Variants in TIMM44 observed in about 807,000 individuals in gnomAD.
The protein encoded by TIMM44 is mitochondrial import inner membrane translocase subunit TIM44.
In TIMM44, 37 loss-of-function variants were observed where a neutral mutation model predicts 63.8. The observed-to-expected ratio is 0.58, with a 90% CI of 0.45 to 0.76. The LOEUF (loss-of-function observed/expected upper bound fraction) is 0.76, where lower values mean the gene tolerates loss of function less well. Ranked by LOEUF, TIMM44 falls within the 30% of genes least tolerant of loss-of-function variation. The pLI is 0.00. For missense variants in TIMM44, 573 were observed against 603.8 expected (o/e 0.95, Z 0.54); for synonymous variants, 239 against 245.1 (o/e 0.98, Z 0.23).
chr19:7,927,599 C>G, intron 12 of TIMM44, 58 bp downstream of exon 12: 1 of 1,541,084 alleles, frequency 6.5e-7, no homozygotes, highest in Non-Finnish European at 8.9e-7. Context: ...GGTGGCCACA[C>G]ACAGATCTTG....
At chr19:7,937,293 A>AATAAAATAAT (rs960351623) in intron 3 of TIMM44, among the ~76,000 whole-genome samples, 8 of 152,166 alleles carry the variant, frequency 5.3e-5, no homozygotes, top group African/African-American at 1.7e-4. Flanking sequence ...AATAAAATAA[A>AATAAAATAAT]ATACCAGCAC....
intron 3 of TIMM44, among the ~76,000 whole-genome samples, chr19:7,935,809 G>T (rs577187335): frequency 6.6e-6 from 1 of 152,174 alleles, no homozygotes; most frequent in East Asian, 1.9e-4. Context: ...TATGTCTCCC[G>T]CTCCATCCAT....
chr19:7,927,335 T>G, intron 12 of TIMM44, 29 bp from the exon 13 acceptor site: 1 of 1,604,442 alleles, frequency 6.2e-7, no homozygotes, highest in Non-Finnish European at 8.5e-7. Flanking sequence ...AGGGCACTGT[T>G]GAGAGGGTTG....
At chr19:7,940,387 G>A (rs1338703305) in intron 2 of TIMM44, among the ~76,000 whole-genome samples, 3 of 152,190 alleles carry the variant, frequency 2.0e-5, no homozygotes, top group Non-Finnish European at 2.9e-5. Flanking sequence ...CAACCTTATC[G>A]CAGCCCTACC....
At chr19:7,940,185 A>G (rs1317962160) in intron 2 of TIMM44, among the ~76,000 whole-genome samples, 1 of 151,390 alleles carries the variant, frequency 6.6e-6, no homozygotes, top group Non-Finnish European at 1.5e-5. Context: ...GTGAGCCGTG[A>G]TAGTGCCACT....
At chr19:7,927,920 G>A in intron 11 of TIMM44, 153 bp from the exon 12 acceptor site, 1 of 1,086,572 alleles carries the variant, frequency 9.2e-7, no homozygotes, top group Non-Finnish European at 1.4e-6. Context: ...CTCAGGCCAG[G>A]ACCAGGCCTC....
intron 10 of TIMM44, among the ~76,000 whole-genome samples, chr19:7,929,998 A>ACCACCAGG (rs1983934867): frequency 6.6e-6 from 1 of 150,794 alleles, no homozygotes; most frequent in African/African-American, 2.4e-5. Context: ...ACAGGCGCCC[A>ACCACCAGG]CCACCAGGCC....
chr19:7,932,605 G>T, intron 9 of TIMM44, 22 bp downstream of exon 9: 2 of 1,612,138 alleles, frequency 1.2e-6, no homozygotes, highest in Non-Finnish European at 1.7e-6. Flanking sequence ...CCTGGGAGGG[G>T]TCCTGGGGGT....
rs1423394935 is a variant in TIMM44 at position 7,933,579 on chromosome 19, G to C, written c.684-9C>G. ...CGACCCCCAGGGCCTCCCTGGGGAA[G>C]AGGGTGGGCCCTGGGGTGAGCGGCG... On this transcript the variant is annotated splice_polypyrimidine_tract_variant and intron_variant, in intron 6 of 12. Transcript: ENST00000270538. The surrounding 1 kb of genome is among the most constrained non-coding windows in gnomAD (Gnocchi z 4.3). The C allele has an allele frequency of 6.2e-6, 10 of 1,612,872 alleles. No homozygotes were observed. The highest frequency in any genetic ancestry group is 8.5e-6 in the Non-Finnish European group (10 of 1,179,080).
intron 2 of TIMM44, among the ~76,000 whole-genome samples, chr19:7,940,385 T>A (rs1370669969): frequency 1.3e-5 from 2 of 152,024 alleles, no homozygotes; most frequent in Non-Finnish European, 2.9e-5. Flanking sequence ...CACAACCTTA[T>A]CGCAGCCCTA....
intron 12 of TIMM44, 50 bp from the exon 13 acceptor site, chr19:7,927,356 G>C (rs112051068): frequency 2.6e-5 from 42 of 1,591,862 alleles, no homozygotes; most frequent in Admixed American, 1.0e-4. Context: ...AGGTGACCCA[G>C]GCAGCTCTGG....
Position 7,943,596 on chromosome 19 carries a change from C to T in TIMM44, c.45+11G>A. ...CTAAGCTCGCCCTGCCAGCGCCGCA[C>T]CGCCGCTCACCCGTGGACAGCGGCA... is the stretch of plus-strand genomic sequence containing the variant. On this transcript the variant is annotated intron_variant, in intron 1 of 12. Coordinates refer to ENST00000270538, the MANE Select transcript of TIMM44 (RefSeq NM_006351.4). This position sits in a 1 kb window ranked among gnomAD's most constrained non-coding sequence, Gnocchi z 4.3. The T allele has an allele frequency of 1.3e-6, 2 of 1,562,820 alleles. No homozygotes were observed. The highest frequency in any genetic ancestry group is 2.4e-5 in the East Asian group (1 of 41,936).
rs958007544 is a variant in TIMM44 at position 7,926,812 on chromosome 19, T to G, written c.*375A>C. 2 of 323,242 alleles carry G rather than the reference T, an allele frequency of 6.2e-6. No homozygotes were observed. The highest frequency in any genetic ancestry group is 1.2e-5 in the Non-Finnish European group (2 of 165,824). The allele number at this position is 323,242 out of a possible 1,614,324, so 20.0% of individuals were successfully genotyped here. A position where few individuals can be genotyped will look rare whatever the true frequency, so the allele number is the denominator to read the frequency against. On this transcript the variant is annotated 3_prime_UTR_variant, in exon 13 of 13. Transcript: ENST00000270538. Reference sequence around the variant, plus strand: ...TTAAAATTAAAAAATGGACCTAAAGTGGCTTGGCTGACGTGGCTAGCGGGC... The same window carrying G: ...TTAAAATTAAAAAATGGACCTAAAGGGGCTTGGCTGACGTGGCTAGCGGGC...
chr19:7,931,429 A>G, intron 9 of TIMM44: 1 of 541,316 alleles, frequency 1.8e-6, no homozygotes, highest in Non-Finnish European at 3.3e-6. Context: ...GCGACCACCC[A>G]GGAGGCACCC....
At position 7,932,523 on chromosome 19, in the gene TIMM44, G is replaced by C. The variant is rs1039721409; in HGVS notation, c.987+104C>G. ...ACCAGCCTCCTCAGAAAACAGCCTC[G>C]GCAGCAGAGTTCCCTGGCAGCACCC... On this transcript the variant is annotated intron_variant, in intron 9 of 12. Coordinates refer to ENST00000270538, the MANE Select transcript of TIMM44 (RefSeq NM_006351.4). The C allele has an allele frequency of 2.6e-6, 4 of 1,518,288 alleles. No individual in the cohort carries two copies. The South Asian group carries it at 3.4e-5, about 13-fold the overall frequency. 94.1% of individuals were successfully genotyped at this position (1,518,288 alleles called of 1,614,324 possible).
chr19:7,940,530 C>G (rs7254586), intron 2 of TIMM44, among the ~76,000 whole-genome samples: 14,481 of 152,062 alleles, frequency 0.095, 805 homozygotes, highest in African/African-American at 0.16. Flanking sequence ...GTAGCTGCCT[C>G]CAAGGAGGCA....
In TIMM44 at chr19:7,927,733, A is replaced by C; in HGVS notation, c.1163T>G (p.Val388Gly). The change falls in exon 12 of 13, where the codon GTG (valine) becomes GGG (glycine). Residue 388 changes from valine (V) to glycine (G), a missense_variant. Physicochemically the swap from Val to Gly is moderately radical, Grantham distance 109. Transcript: ENST00000270538. Reference protein sequence around the residue: ...AMGKMMEQGPVLIITFQAQLV... With the variant: ...AMGKMMEQGPGLIITFQAQLV... ...CTGTGCCTGGAAGGTGATGATCAGC[A>C]CCGGCCCCTGCTCCATCATCTTGCC... The C allele has an allele frequency of 6.2e-7, 1 of 1,612,718 alleles. No individual in the cohort carries two copies. Among genetic ancestry groups the C allele is most frequent in the Middle Eastern group, 1.6e-4 (1 of 6,062 alleles).
At chr19:7,927,585 G>T in intron 12 of TIMM44, 72 bp downstream of exon 12, 1 of 1,455,950 alleles carries the variant, frequency 6.9e-7, no homozygotes. Context: ...TGGGGTCTCT[G>T]CCAGGTGGCC....
intron 7 of TIMM44, 55 bp from the exon 8 acceptor site, chr19:7,932,987 T>C: frequency 1.4e-6 from 2 of 1,410,856 alleles, no homozygotes; most frequent in Non-Finnish European, 2.0e-6. Context: ...AACACAACCC[T>C]CCCTCACAGC....
Sources: gnomAD v4.1 joint callset for allele counts (sites outside exome capture counted in the v4.1 genomes callset) on GRCh38, gnomAD v4.1.1 for gene constraint, Gnocchi (gnomAD v3.1) non-coding constraint, MANE v1.5 for transcripts, NCBI Gene and HGNC (gene_info 2026-07-23, HGNC 2026-07-21) for gene names.